BANK1: variants seen among roughly 807,000 people sequenced by gnomAD.
BANK1 encodes B-cell scaffold protein with ankyrin repeats.
A neutral mutation model predicts 94.5 loss-of-function variants in BANK1; 95 were observed. That is an observed-to-expected ratio of 1.00 (90% CI 0.85 to 1.19). BANK1 has a LOEUF of 1.19. BANK1 is among the 50% of genes most tolerant of loss of function. The probability of loss-of-function intolerance (pLI) is 0.00; values close to 1 mark genes in which losing one functional copy is unlikely to be tolerated. For missense variants in BANK1, 987 were observed against 932.2 expected (o/e 1.06, Z -0.77); for synonymous variants, 334 against 308.4 (o/e 1.08, Z -0.87).
At chr4:101,833,905 C>T (rs1291696343) in intron 2 of BANK1, among the ~76,000 whole-genome samples, 1 of 151,978 alleles carries the variant, frequency 6.6e-6, no homozygotes, top group East Asian at 1.9e-4. Context: ...GTATATTAAA[C>T]TTTTTTGACT....
At chr4:101,803,679 T>A (rs1725433104) in intron 1 of BANK1, among the ~76,000 whole-genome samples, 2 of 152,140 alleles carry the variant, frequency 1.3e-5, no homozygotes, top group African/African-American at 4.8e-5. Flanking sequence ...TTGAAAAAAC[T>A]TGCTGATGAA....
intron 11 of BANK1, among the ~76,000 whole-genome samples, chr4:102,054,142 C>G (rs1728146851): frequency 6.6e-6 from 1 of 151,398 alleles, no homozygotes; most frequent in Non-Finnish European, 1.5e-5. Context: ...TCAAAGATAT[C>G]TTATGAGATA....
Position 101,985,172 on chromosome 4 carries a change from C to T in BANK1, c.1207-36342C>T, listed in dbSNP as rs145520577. On this transcript the variant is annotated intron_variant, in intron 7 of 16. Transcript: ENST00000322953. ...AGAGCCAATGGTGTAAGTTCCAATT[C>T]GAGTCCAAGTTTAAAGAGAAGATCA... Among the ~76,000 whole-genome samples, 1,046 of 152,168 alleles carry T rather than the reference C, an allele frequency of 6.9e-3. 3 individuals carry two copies. The highest frequency in any genetic ancestry group is 0.014 in the Middle Eastern group (4 of 294).
intron 7 of BANK1, among the ~76,000 whole-genome samples, chr4:101,947,411 C>T (rs1723972876): frequency 6.7e-6 from 1 of 149,970 alleles, no homozygotes; most frequent in African/African-American, 2.4e-5. Context: ...CTGGGATGCC[C>T]ATGAGTCTAG....
intron 5 of BANK1, 91 bp from the exon 6 acceptor site, chr4:101,895,214 C>G (rs1448284327): frequency 1.6e-6 from 1 of 629,026 alleles, no homozygotes; most frequent in Non-Finnish European, 2.7e-6. Flanking sequence ...ATTGTTTACT[C>G]CAGTTAATAA....
At chr4:101,830,270 T>C (rs1328031858) in intron 2 of BANK1, 64 bp downstream of exon 2, 1 of 1,354,640 alleles carries the variant, frequency 7.4e-7, no homozygotes, top group Non-Finnish European at 9.7e-7. Flanking sequence ...AATTAAAGAA[T>C]TGCAAGTTGT....
intron 1 of BANK1, among the ~76,000 whole-genome samples, chr4:101,807,501 A>G (rs1329467810): frequency 6.6e-6 from 1 of 152,184 alleles, no homozygotes; most frequent in African/African-American, 2.4e-5. Context: ...TTCTAAAAAG[A>G]AACTGACTTT....
intron 7 of BANK1, among the ~76,000 whole-genome samples, chr4:101,930,140 C>G (rs1175861415): frequency 1.3e-5 from 2 of 151,130 alleles, no homozygotes; most frequent in African/African-American, 2.4e-5. Context: ...GGTTGAATAT[C>G]TCTCCCACAG....
intron 8 of BANK1, among the ~76,000 whole-genome samples, chr4:102,022,198 G>A (rs956601474): frequency 6.6e-6 from 1 of 152,022 alleles, no homozygotes; most frequent in Non-Finnish European, 1.5e-5. Flanking sequence ...TCACCAGCAT[G>A]TTTGGTAGGA....
intron 5 of BANK1, among the ~76,000 whole-genome samples, chr4:101,871,687 C>G (rs1728293202): frequency 6.6e-6 from 1 of 152,032 alleles, no homozygotes; most frequent in Non-Finnish European, 1.5e-5. Flanking sequence ...AAAGTAATAG[C>G]TTAAAAAACA....
chr4:101,871,929 A>G (rs1205918202), intron 5 of BANK1, among the ~76,000 whole-genome samples: 1 of 152,186 alleles, frequency 6.6e-6, no homozygotes, highest in Non-Finnish European at 1.5e-5. Flanking sequence ...TCAGGATGCT[A>G]TAAATACACA....
intron 11 of BANK1, among the ~76,000 whole-genome samples, chr4:102,045,693 T>G (rs1345815570): frequency 6.6e-6 from 1 of 151,642 alleles, no homozygotes; most frequent in Admixed American, 6.6e-5. Flanking sequence ...CCATTCACAA[T>G]TGCTTCAAAG....
intron 7 of BANK1, among the ~76,000 whole-genome samples, chr4:101,923,461 T>C (rs1408004730): frequency 6.6e-6 from 1 of 151,822 alleles, no homozygotes; most frequent in Non-Finnish European, 1.5e-5. Flanking sequence ...TGGATTTCTT[T>C]CAGACATCTT....
chr4:101,875,414 T>C (rs2148883077), intron 5 of BANK1, among the ~76,000 whole-genome samples: 2 of 152,306 alleles, frequency 1.3e-5, no homozygotes, highest in South Asian at 4.1e-4. Context: ...ACAGTTCTTG[T>C]GGCGGGAGAG....
At chr4:101,905,606 A>G (rs542572783) in intron 6 of BANK1, among the ~76,000 whole-genome samples, 18 of 151,962 alleles carry the variant, frequency 1.2e-4, no homozygotes, top group Admixed American at 2.6e-4. Context: ...CATGCTTCCC[A>G]CAGTTAAAAC....
At chr4:102,046,197 A>T (rs1471035988) in intron 11 of BANK1, among the ~76,000 whole-genome samples, 1 of 151,934 alleles carries the variant, frequency 6.6e-6, no homozygotes, top group African/African-American at 2.4e-5. Context: ...TGGGGAAAGG[A>T]TTCCCTATTT....
rs534512618 is a variant in BANK1 at position 102,032,592 on chromosome 4, T to C, written c.1900+2327T>C. Among the ~76,000 whole-genome samples, 109 of 152,214 alleles carry C rather than the reference T, an allele frequency of 7.2e-4. 1 individual carries two copies. Among genetic ancestry groups the C allele is most frequent in the Admixed American group, 9.2e-4 (14 of 15,276 alleles). ...TTAGCTATGTTTTCATGTTTAACAA[T>C]GAAGCACCGGCCGGGCATGGTGGAT... On this transcript the variant is annotated intron_variant, in intron 10 of 16. Coordinates refer to ENST00000322953, the MANE Select transcript of BANK1 (RefSeq NM_017935.5).
chr4:102,009,335 G>A (rs1445257325), intron 7 of BANK1, among the ~76,000 whole-genome samples: 8 of 152,162 alleles, frequency 5.3e-5, no homozygotes, highest in Admixed American at 5.2e-4. Flanking sequence ...TTTCCCAACT[G>A]AGCATGGCCT....
Position 101,853,620 on chromosome 4 carries a change from G to T in BANK1, c.470-1415G>T, listed in dbSNP as rs571570832. Among the ~76,000 whole-genome samples, 13 of 152,228 alleles carry T rather than the reference G, an allele frequency of 8.5e-5. 1 individual carries two copies. Among genetic ancestry groups the T allele is most frequent in the Admixed American group, 3.3e-4 (5 of 15,280 alleles). On this transcript the variant is annotated intron_variant, in intron 2 of 16. Transcript: ENST00000322953. Reference sequence around the variant, plus strand: ...AGGAGGGTTCAAGGAAGCAGGGCTTGGATATAGTTTGCCTGCTATCAAGAA... The same window carrying T: ...AGGAGGGTTCAAGGAAGCAGGGCTTTGATATAGTTTGCCTGCTATCAAGAA...
Sources: allele counts gnomAD v4.1 joint callset (sites outside exome capture counted in the v4.1 genomes callset), GRCh38; gene constraint gnomAD v4.1.1; transcripts MANE v1.5; gene names NCBI Gene and HGNC (gene_info 2026-07-23, HGNC 2026-07-21).